Variants in RALY observed in about 807,000 individuals in gnomAD.
RALY encodes RNA-binding protein Raly.
Under a neutral mutation model 30.7 loss-of-function variants are expected in RALY, and 15 were observed. That is an observed-to-expected ratio of 0.49 (90% confidence interval 0.33 to 0.75). The LOEUF (loss-of-function observed/expected upper bound fraction) is 0.75. Among genes scored for constraint, RALY ranks in the 30% least tolerant of loss-of-function variants. The pLI is 0.02. For synonymous variants in RALY, 177 were observed against 170.8 expected (o/e 1.04, Z -0.28); for missense variants, 339 against 414.3 (o/e 0.82, Z 1.58).
intron 1 of RALY, among the ~76,000 whole-genome samples, chr20:34,005,075 G>T (rs913928846): frequency 2.6e-5 from 4 of 152,202 alleles, no homozygotes; most frequent in African/African-American, 9.7e-5. Flanking sequence ...GCATTTTCAT[G>T]TTAAACATTA....
chr20:34,067,090 C>G (rs2033594706), intron 2 of RALY, among the ~76,000 whole-genome samples: 1 of 152,204 alleles, frequency 6.6e-6, no homozygotes, highest in Non-Finnish European at 1.5e-5. Flanking sequence ...CCTTGCTTCT[C>G]TGAACCTATC....
intron 1 of RALY, among the ~76,000 whole-genome samples, chr20:34,018,172 C>T (rs2031678703): frequency 1.3e-5 from 2 of 152,126 alleles, no homozygotes; most frequent in South Asian, 4.1e-4. Context: ...TGCTCTGAGC[C>T]CTTATCCTTT....
intron 1 of RALY, among the ~76,000 whole-genome samples, chr20:34,002,086 T>G (rs951614226): frequency 6.6e-6 from 1 of 152,122 alleles, no homozygotes; most frequent in Non-Finnish European, 1.5e-5. Context: ...CCTTTTTACC[T>G]GAAGCATTAA....
intron 2 of RALY, among the ~76,000 whole-genome samples, chr20:34,069,183 G>GA (rs1355491397): frequency 2.1e-4 from 32 of 152,256 alleles, no homozygotes; most frequent in Admixed American, 2.0e-3. Context: ...CCCTCATCTA[G>GA]AATGGGGTTC....
At chr20:33,999,036 A>C (rs1186588482) in intron 1 of RALY, among the ~76,000 whole-genome samples, 1 of 150,868 alleles carries the variant, frequency 6.6e-6, no homozygotes, top group Non-Finnish European at 1.5e-5. Flanking sequence ...AGGCTAAGGC[A>C]GGAGAATCAC....
intron 3 of RALY, 54 bp from the exon 4 acceptor site, chr20:34,073,509 G>C (rs1421481199): frequency 3.4e-6 from 5 of 1,485,196 alleles, no homozygotes; most frequent in Non-Finnish European, 4.7e-6. Context: ...AGGTTGATGT[G>C]TGTGGGCACA....
intron 1 of RALY, among the ~76,000 whole-genome samples, chr20:34,005,335 C>A (rs1445922272): frequency 6.6e-6 from 1 of 152,028 alleles, no homozygotes; most frequent in Non-Finnish European, 1.5e-5. Flanking sequence ...GTAGTGAAAC[C>A]CCGTCTCTAC....
At chr20:34,049,103 G>A (rs574832712) in intron 2 of RALY, 120 of 153,430 alleles carry the variant, frequency 7.8e-4, no homozygotes, top group African/African-American at 2.8e-3. Context: ...CTGAGGAACT[G>A]GCATCTATGA....
At chr20:34,052,309 T>C (rs1425832500) in intron 2 of RALY, among the ~76,000 whole-genome samples, 1 of 152,208 alleles carries the variant, frequency 6.6e-6, no homozygotes, top group Admixed American at 6.5e-5. Context: ...CATTAACATC[T>C]TGAGGAACCC....
At chr20:34,063,453 T>C (rs2033475062) in intron 2 of RALY, among the ~76,000 whole-genome samples, 1 of 152,186 alleles carries the variant, frequency 6.6e-6, no homozygotes, top group Non-Finnish European at 1.5e-5. Context: ...GTAGACAAAT[T>C]AAGCTGTTTC....
At chr20:34,066,162 T>C (rs1474694395) in intron 2 of RALY, among the ~76,000 whole-genome samples, 2 of 148,282 alleles carry the variant, frequency 1.3e-5, no homozygotes, top group Non-Finnish European at 3.0e-5. Context: ...TTATCTTTGC[T>C]GATCCTCTTT....
chr20:34,028,931 A>C (rs1274804516), intron 1 of RALY, among the ~76,000 whole-genome samples: 2 of 152,048 alleles, frequency 1.3e-5, no homozygotes, highest in African/African-American at 4.8e-5. Flanking sequence ...TGGCATACCT[A>C]AGAGCAAGGC....
chr20:34,016,017 G>C (rs2031594964), intron 1 of RALY, among the ~76,000 whole-genome samples: 1 of 152,034 alleles, frequency 6.6e-6, no homozygotes, highest in Non-Finnish European at 1.5e-5. Context: ...AATTGTGTGT[G>C]CTACCAAAGT....
At chr20:34,047,799 T>G (rs1417301137) in intron 2 of RALY, among the ~76,000 whole-genome samples, 1 of 152,152 alleles carries the variant, frequency 6.6e-6, no homozygotes, top group Non-Finnish European at 1.5e-5. Context: ...CTTAGTTGGG[T>G]GAGTAGCCTG....
At chr20:34,053,555 G>A (rs897975705) in intron 2 of RALY, among the ~76,000 whole-genome samples, 1 of 151,696 alleles carries the variant, frequency 6.6e-6, no homozygotes, top group African/African-American at 2.4e-5. Flanking sequence ...GTACCACCAT[G>A]CCCGGCTAAT....
intron 1 of RALY, among the ~76,000 whole-genome samples, chr20:34,000,533 C>T (rs1177461009): frequency 6.6e-6 from 1 of 152,176 alleles, no homozygotes; most frequent in Non-Finnish European, 1.5e-5. Flanking sequence ...TGTCTTCTGT[C>T]ATTTCATAAT....
chr20:34,026,858 T>G (rs1415329710), intron 1 of RALY, among the ~76,000 whole-genome samples: 3 of 152,220 alleles, frequency 2.0e-5, no homozygotes, highest in Non-Finnish European at 4.4e-5. Context: ...ATATTCATAC[T>G]GGGGCTGAGA....
chr20:34,079,197 C>T (rs1407405630), intron 9 of RALY, among the ~76,000 whole-genome samples: 1 of 152,170 alleles, frequency 6.6e-6, no homozygotes, highest in South Asian at 2.1e-4. Flanking sequence ...CACCTGCTTT[C>T]TCTGAGTTCA....
At chr20:33,998,675 T>C (rs2030757437) in intron 1 of RALY, among the ~76,000 whole-genome samples, 1 of 152,140 alleles carries the variant, frequency 6.6e-6, no homozygotes, top group Non-Finnish European at 1.5e-5. Flanking sequence ...GGGCCATGAT[T>C]CAATGTGCAT....
Sources: gnomAD v4.1 joint callset for allele counts (sites outside exome capture counted in the v4.1 genomes callset) on GRCh38, gnomAD v4.1.1 for gene constraint, MANE v1.5 for transcripts, NCBI Gene and HGNC (gene_info 2026-07-23, HGNC 2026-07-21) for gene names.